CPA4: variants seen among roughly 807,000 people sequenced by gnomAD.
CPA4 encodes carboxypeptidase A4, also known as carboxypeptidase A3.
CPA4 carries 49 observed loss-of-function variants against 54.7 expected under a neutral mutation model. That is an observed-to-expected ratio of 0.90 (90% CI 0.71 to 1.14). CPA4 has a LOEUF of 1.14. Ranked by LOEUF, CPA4 falls within the 50% of genes most tolerant of loss-of-function variation. The pLI is 0.00. For missense variants in CPA4, 487 were observed against 525.1 expected, an observed-to-expected ratio of 0.93 and a Z score of 0.71; for synonymous variants, 215 against 206.8, an observed-to-expected ratio of 1.04 and a Z score of -0.34.
rs376182794 is a variant in CPA4, at chr7:130,293,275, G to T, written c.68+27G>T. The T allele has an allele frequency of 5.1e-5, 70 of 1,367,414 alleles. 1 individual carries two copies. The African/African-American group carries it at 9.7e-4, about 19-fold the overall frequency. 84.7% of individuals were successfully genotyped at this position (1,367,414 alleles called of 1,614,324 possible). On this transcript the variant is annotated intron_variant, in intron 1 of 10. Transcript: ENST00000222482. ...TAAGTTCCTTTTGGACTTATTATTTGGTTATTTCAGAAATATGGGAGCCAA... is the reference window on the plus strand; with the variant it reads ...TAAGTTCCTTTTGGACTTATTATTTTGTTATTTCAGAAATATGGGAGCCAA...
At chr7:130,298,916 G>A (rs886695468) in intron 2 of CPA4, 89 bp downstream of exon 2, 10 of 807,448 alleles carry the variant, frequency 1.2e-5, no homozygotes, top group Non-Finnish European at 1.9e-5. Context: ...TTTTATTTCT[G>A]AGGAGTCTCT....
At chr7:130,309,426 G>A (rs1793878125) in intron 8 of CPA4, among the ~76,000 whole-genome samples, 1 of 152,184 alleles carries the variant, frequency 6.6e-6, no homozygotes, top group Non-Finnish European at 1.5e-5. Context: ...ACTGTGCTGT[G>A]AAAATTCCAC....
chr7:130,310,899 G>A lies in CPA4; in HGVS notation c.906G>A (p.Lys302=), dbSNP rs777535613. The part of the protein sequence containing the change: ...VDFIQKHGNF[K]GFIDLHSYSQ... Reference sequence around the variant, plus strand: ...TCATCCAAAAACATGGGAATTTCAAGGGCTTCATCGACCTGCACAGCTACT... The same window carrying A: ...TCATCCAAAAACATGGGAATTTCAAAGGCTTCATCGACCTGCACAGCTACT... Residue 302 remains lysine (K), a synonymous_variant, in exon 9 of 11, where the codon AAG becomes AAA. Transcript: ENST00000222482. The surrounding 1 kb of genome is among the most constrained non-coding windows in gnomAD (Gnocchi z 4.3). 3.1e-6 allele frequency: 5 copies of A among 1,614,198 alleles called. No individual in the cohort carries two copies. Among genetic ancestry groups the A allele is most frequent in the Non-Finnish European group, 4.2e-6 (5 of 1,180,034 alleles).
At chr7:130,317,584 C>A (rs1030475519) in intron 10 of CPA4, among the ~76,000 whole-genome samples, 5 of 152,174 alleles carry the variant, frequency 3.3e-5, no homozygotes, top group African/African-American at 1.2e-4. Flanking sequence ...CCACTTCAGC[C>A]TCCTGAGTAG....
chr7:130,313,105 T>C (rs115549002), intron 10 of CPA4, among the ~76,000 whole-genome samples: 11 of 152,302 alleles, frequency 7.2e-5, no homozygotes, highest in African/African-American at 2.4e-4. Context: ...CATGTTCTTT[T>C]TGGCTACTTC....
rs746546601 is a variant in CPA4, at chr7:130,322,703, A to G, written c.*27A>G. 13 of 1,599,458 alleles carry G rather than the reference A, an allele frequency of 8.1e-6. No homozygotes were observed. Among genetic ancestry groups the G allele is most frequent in the Middle Eastern group, 3.8e-4 (2 of 5,324 alleles). On this transcript the variant is annotated 3_prime_UTR_variant, in exon 11 of 11. Transcript: ENST00000222482. ...CGATGGCTCTGCTCTGTCTACATTT[A>G]TTTGTACCCACACGTGCACGCACTG...
At position 130,322,219 on chromosome 7, in the gene CPA4, T is replaced by C. The variant is rs370274881; in HGVS notation, c.1079-270T>C. Among the ~76,000 whole-genome samples the C allele has an allele frequency of 6.6e-5, 10 of 152,240 alleles. No individual in the cohort carries two copies. In the East Asian group the frequency reaches 1.9e-3, roughly 29 times the overall value. On this transcript the variant is annotated intron_variant, in intron 10 of 10. Transcript: ENST00000222482. Reference sequence around the variant, plus strand: ...ACTATACTCTCTATAGAGATTGGTTTTGAGGGACTTACAGGACGGACACAG... The same window carrying C: ...ACTATACTCTCTATAGAGATTGGTTCTGAGGGACTTACAGGACGGACACAG...
At chr7:130,313,533 A>G (rs1170885995) in intron 10 of CPA4, among the ~76,000 whole-genome samples, 1 of 150,028 alleles carries the variant, frequency 6.7e-6, no homozygotes, top group Non-Finnish European at 1.5e-5. Context: ...GGGCTTTTAT[A>G]AGGCTTCGGG....
intron 2 of CPA4, among the ~76,000 whole-genome samples, 168 bp from the exon 3 acceptor site, chr7:130,299,102 T>C (rs969879252): frequency 2.0e-5 from 3 of 152,258 alleles, no homozygotes; most frequent in African/African-American, 7.2e-5. Flanking sequence ...TACTGCTTGT[T>C]GGGCAGGTCC....
intron 4 of CPA4, among the ~76,000 whole-genome samples, chr7:130,302,719 A>AT (rs960669737): frequency 6.6e-6 from 1 of 152,150 alleles, no homozygotes; most frequent in Admixed American, 6.5e-5. Context: ...CAAGGCAGCT[A>AT]TCCTGCTTTT....
At chr7:130,307,194 G>A (rs1793835421) in intron 7 of CPA4, among the ~76,000 whole-genome samples, 1 of 151,448 alleles carries the variant, frequency 6.6e-6, no homozygotes, top group Admixed American at 6.6e-5. Flanking sequence ...AACACATTAT[G>A]TTATTTCACC....
At chr7:130,307,411 C>A (rs1793839202) in intron 7 of CPA4, among the ~76,000 whole-genome samples, 1 of 152,012 alleles carries the variant, frequency 6.6e-6, no homozygotes. Context: ...GTGGGCGGAT[C>A]ATGAGGTCAG....
In CPA4 at chr7:130,310,916, A is replaced by C. The variant is rs1360037068; in HGVS notation, c.923A>C (p.His308Pro). ...AATTTCAAGGGCTTCATCGACCTGC[A>C]CAGCTACTCGCAGCTGCTGATGTAT... The part of the protein sequence containing the change: ...HGNFKGFIDL[H>P]SYSQLLMYPY... Residue 308 changes from histidine to proline, a missense_variant, in exon 9 of 11, where the codon CAC (histidine) becomes CCC (proline). By Grantham distance (77) the His-to-Pro change is moderately conservative. Transcript: ENST00000222482. The surrounding 1 kb of genome is among the most constrained non-coding windows in gnomAD (Gnocchi z 4.3). 2 of 1,614,162 alleles carry C rather than the reference A, an allele frequency of 1.2e-6. No homozygotes were observed. The highest frequency in any genetic ancestry group is 1.7e-6 in the Non-Finnish European group (2 of 1,180,010).
At position 130,302,222 on chromosome 7, in the gene CPA4, C is replaced by T. The variant is rs567568746; in HGVS notation, c.384+1308C>T. Among the ~76,000 whole-genome samples the T allele has an allele frequency of 7.6e-4, 115 of 152,230 alleles. 1 individual carries two copies. The highest frequency in any genetic ancestry group is 2.7e-3 in the African/African-American group (111 of 41,546). On this transcript the variant is annotated intron_variant, in intron 4 of 10. Transcript: ENST00000222482. Reference sequence around the variant, plus strand: ...GTATTCTAGGCTGGGCATGGTGGCTCACACCTGTAATCCCAGAACTTTGGG... The same window carrying T: ...GTATTCTAGGCTGGGCATGGTGGCTTACACCTGTAATCCCAGAACTTTGGG...
At position 130,312,429 on chromosome 7, in the gene CPA4, A is replaced by G. The variant is rs77268930; in HGVS notation, c.1078+307A>G. ...TCATCTTCCTAAAGGAGATGGACAA[A>G]CATTGAGCCTGGACAACATAGCAAG... On this transcript the variant is annotated intron_variant, in intron 10 of 10. Transcript: ENST00000222482. Among the ~76,000 whole-genome samples, 1,189 of 152,188 alleles carry G rather than the reference A, an allele frequency of 7.8e-3. 14 individuals are homozygous for G. Among genetic ancestry groups the G allele is most frequent in the African/African-American group, 0.027 (1,105 of 41,518 alleles).
chr7:130,303,681 T>C (rs1793773312), intron 4 of CPA4, among the ~76,000 whole-genome samples: 2 of 151,864 alleles, frequency 1.3e-5, no homozygotes. Context: ...CAGGCTGGAG[T>C]GCAGTGGTGC....
At chr7:130,294,029 C>T (rs185660584) in intron 1 of CPA4, among the ~76,000 whole-genome samples, 20 of 152,302 alleles carry the variant, frequency 1.3e-4, no homozygotes, top group African/African-American at 4.8e-4. Context: ...ATTATAATAA[C>T]TCATTACTGC....
At chr7:130,317,167 G>A (rs528465162) in intron 10 of CPA4, among the ~76,000 whole-genome samples, 37 of 152,142 alleles carry the variant, frequency 2.4e-4, no homozygotes, top group Admixed American at 3.3e-4. Flanking sequence ...TGACAGGCAC[G>A]AGCCAGTGCA....
At chr7:130,311,920 A>T (rs977097468) in intron 9 of CPA4, 118 bp from the exon 10 acceptor site, 2 of 738,158 alleles carry the variant, frequency 2.7e-6, no homozygotes, top group African/African-American at 1.7e-5. Context: ...GAAACAAGGG[A>T]CCAGAAAGGA....
Sources: gnomAD v4.1 joint callset for allele counts (sites outside exome capture counted in the v4.1 genomes callset) on GRCh38, gnomAD v4.1.1 for gene constraint, Gnocchi (gnomAD v3.1) non-coding constraint, MANE v1.5 for transcripts, NCBI Gene and HGNC (gene_info 2026-07-23, HGNC 2026-07-21) for gene names.